The following SOX5 variants were observed in gnomAD, a reference collection of about 807,000 sequenced individuals.
SOX5 encodes SRY-box transcription factor 5.
A neutral mutation model predicts 92.0 loss-of-function variants in SOX5; 9 were observed. The ratio of observed to expected loss-of-function variants is 0.10; its 90% confidence interval spans 0.06 to 0.17. The LOEUF (loss-of-function observed/expected upper bound fraction) is 0.17. Ranked by LOEUF, SOX5 falls within the 10% of genes least tolerant of loss-of-function variation. The probability of loss-of-function intolerance (pLI) is 1.00; values close to 1 mark genes in which losing one functional copy is unlikely to be tolerated. For synonymous variants in SOX5, 344 were observed against 336.3 expected (o/e 1.02, Z -0.25); for missense variants, 642 against 944.5 (o/e 0.68, Z 4.20).
chr12:23,965,435 C>T (rs1413590552), intron 4 of SOX5, among the ~76,000 whole-genome samples: 3 of 152,118 alleles, frequency 2.0e-5, no homozygotes, highest in African/African-American at 7.2e-5. Context: ...TGGGGGGGAC[C>T]TCAGGCACGA....
intron 4 of SOX5, among the ~76,000 whole-genome samples, chr12:24,142,434 A>G (rs1421747265): frequency 1.3e-5 from 2 of 152,142 alleles, no homozygotes; most frequent in African/African-American, 2.4e-5. Context: ...CCAAAGTTGT[A>G]TTGATGGTTG....
At chr12:23,960,977 T>C (rs1271377195) in intron 4 of SOX5, among the ~76,000 whole-genome samples, 1 of 152,132 alleles carries the variant, frequency 6.6e-6, no homozygotes, top group African/African-American at 2.4e-5. Flanking sequence ...AATGTGAAGC[T>C]AATCTACTAT....
At chr12:24,128,937 T>TG (rs1339049532) in intron 4 of SOX5, among the ~76,000 whole-genome samples, 1 of 152,076 alleles carries the variant, frequency 6.6e-6, no homozygotes, top group African/African-American at 2.4e-5. Context: ...AAGGTGGCAA[T>TG]GGAAAACACA....
intron 2 of SOX5, among the ~76,000 whole-genome samples, chr12:24,323,606 G>C (rs1950408973): frequency 1.3e-5 from 2 of 151,884 alleles, no homozygotes; most frequent in African/African-American, 4.8e-5. Context: ...GTGTTCATGA[G>C]GAAAATAAAA....
chr12:24,442,096 G>A (rs568953949), intron 1 of SOX5, among the ~76,000 whole-genome samples: 1 of 152,252 alleles, frequency 6.6e-6, no homozygotes, highest in African/African-American at 2.4e-5. Context: ...AAGAGAGAAC[G>A]GGTAAATACT....
chr12:24,487,853 T>C (rs1946671597), intron 1 of SOX5, among the ~76,000 whole-genome samples: 1 of 152,098 alleles, frequency 6.6e-6, no homozygotes, highest in East Asian at 1.9e-4. Flanking sequence ...TCCTCTTTTT[T>C]TTTTCCCCAA....
At chr12:23,825,956 G>A (rs938070009) in intron 3 of SOX5, among the ~76,000 whole-genome samples, 1 of 151,898 alleles carries the variant, frequency 6.6e-6, no homozygotes, top group African/African-American at 2.4e-5. Context: ...ATTGTAATCC[G>A]GTAAGTGAAA....
chr12:24,522,923 G>A (rs1158093918), intron 1 of SOX5, among the ~76,000 whole-genome samples: 4 of 151,784 alleles, frequency 2.6e-5, no homozygotes, highest in African/African-American at 9.7e-5. Flanking sequence ...GAGCAGTTAG[G>A]CAACGTAAGG....
chr12:23,681,260 TA>T (rs557754918), intron 6 of SOX5, among the ~76,000 whole-genome samples: 1 of 151,346 alleles, frequency 6.6e-6, no homozygotes, highest in Non-Finnish European at 1.5e-5. Context: ...AGAAAACCCA[TA>T]AAAAATAGAA....
chr12:24,557,286 G>A (rs1294287436), intron 1 of SOX5, among the ~76,000 whole-genome samples: 1 of 151,662 alleles, frequency 6.6e-6, no homozygotes, highest in African/African-American at 2.4e-5. Flanking sequence ...TACTCCAGAG[G>A]CTGAGGCACA....
intron 4 of SOX5, among the ~76,000 whole-genome samples, chr12:24,024,887 A>G (rs1176240822): frequency 6.6e-6 from 1 of 152,034 alleles, no homozygotes; most frequent in African/African-American, 2.4e-5. Flanking sequence ...CTGATAATTC[A>G]CATCAAACTT....
chr12:23,835,825 G>A (rs2096405584), intron 3 of SOX5, among the ~76,000 whole-genome samples: 3 of 151,586 alleles, frequency 2.0e-5, no homozygotes, highest in African/African-American at 7.3e-5. Flanking sequence ...TTGACTTTAG[G>A]CTGAAAAGTG....
At chr12:24,329,341 T>C (rs937436844) in intron 2 of SOX5, among the ~76,000 whole-genome samples, 2 of 152,142 alleles carry the variant, frequency 1.3e-5, no homozygotes, top group Admixed American at 6.6e-5. Context: ...AGGTATGTCT[T>C]ACATGGCGGC....
At chr12:23,570,347 T>C (rs998917993) in intron 10 of SOX5, among the ~76,000 whole-genome samples, 2 of 152,206 alleles carry the variant, frequency 1.3e-5, no homozygotes, top group African/African-American at 4.8e-5. Context: ...CAAATGTTAA[T>C]TGTCAGATGT....
intron 1 of SOX5, among the ~76,000 whole-genome samples, chr12:23,924,860 C>G (rs975655148): frequency 3.3e-5 from 5 of 151,936 alleles, no homozygotes; most frequent in African/African-American, 1.2e-4. Flanking sequence ...GATTAAATCC[C>G]TATCATTTTA....
intron 2 of SOX5, among the ~76,000 whole-genome samples, chr12:24,305,508 T>C (rs866732485): frequency 6.6e-5 from 10 of 152,160 alleles, no homozygotes; most frequent in African/African-American, 2.4e-4. Flanking sequence ...GGCAGCCTCA[T>C]TGGATTTGGC....
At chr12:23,683,014 T>C (rs1006548656) in intron 6 of SOX5, among the ~76,000 whole-genome samples, 5 of 151,912 alleles carry the variant, frequency 3.3e-5, no homozygotes, top group African/African-American at 1.2e-4. Context: ...TATTTTAATG[T>C]ATATTAAAAC....
chr12:23,734,640 T>C lies in SOX5; in HGVS notation c.810+44A>G, dbSNP rs765071453. Reference sequence around the variant, plus strand: ...GTATTTAAGGATAAGAAACAGAATATATATTTTTTAAATTGTAAGTATATT... The same window carrying C: ...GTATTTAAGGATAAGAAACAGAATACATATTTTTTAAATTGTAAGTATATT... On this transcript the variant is annotated intron_variant, in intron 6 of 14. Transcript: ENST00000451604. 6 of 1,380,632 alleles carry C rather than the reference T, an allele frequency of 4.3e-6. No individual in the cohort carries two copies. The East Asian group carries it at 7.2e-5, about 17-fold the overall frequency. 85.5% of individuals were successfully genotyped at this position (1,380,632 alleles called of 1,614,324 possible).
intron 3 of SOX5, among the ~76,000 whole-genome samples, chr12:24,229,255 AG>A (rs35190497): frequency 6.6e-6 from 1 of 152,238 alleles, no homozygotes; most frequent in Non-Finnish European, 1.5e-5. Context: ...TTAGCATGCC[AG>A]GGGGCTAATG....
Sources: gnomAD v4.1 joint callset for allele counts (sites outside exome capture counted in the v4.1 genomes callset) on GRCh38, gnomAD v4.1.1 for gene constraint, MANE v1.5 for transcripts, NCBI Gene and HGNC (gene_info 2026-07-23, HGNC 2026-07-21) for gene names.